ALPK1: variants seen among roughly 807,000 people sequenced by gnomAD.
ALPK1 encodes the protein alpha-protein kinase 1.
A neutral mutation model predicts 120.6 loss-of-function variants in ALPK1; 110 were observed. That is an observed-to-expected ratio of 0.91 (90% confidence interval 0.78 to 1.07). The LOEUF (loss-of-function observed/expected upper bound fraction) is 1.07. Among genes scored for constraint, ALPK1 ranks in the 50% least tolerant of loss-of-function variants. The pLI is 0.00. For missense variants in ALPK1, 1,498 were observed against 1,483.9 expected, an observed-to-expected ratio of 1.01 and a Z score of -0.16; for synonymous variants, 582 against 560.3, an observed-to-expected ratio of 1.04 and a Z score of -0.55.
chr4:112,351,530 G>A (rs868032016), intron 2 of ALPK1, among the ~76,000 whole-genome samples: 2 of 151,116 alleles, frequency 1.3e-5, no homozygotes, highest in African/African-American at 2.4e-5. Flanking sequence ...CTGGAGTGCA[G>A]TGGCACGATC....
At chr4:112,357,401 G>T in intron 2 of ALPK1, 1 of 692,048 alleles carries the variant, frequency 1.4e-6, no homozygotes. Flanking sequence ...CATCCATCCT[G>T]ATGCCAGTCA....
intron 1 of ALPK1, among the ~76,000 whole-genome samples, chr4:112,298,304 G>A (rs1031635864): frequency 1.3e-5 from 2 of 151,012 alleles, no homozygotes; most frequent in Admixed American, 1.3e-4. Context: ...TTTTTACTTT[G>A]TGCCACTAAT....
chr4:112,372,862 G>A (rs540026745), intron 2 of ALPK1, among the ~76,000 whole-genome samples: 1 of 152,238 alleles, frequency 6.6e-6, no homozygotes, highest in Non-Finnish European at 1.5e-5. Context: ...TACCTTAAGG[G>A]AATGATACAG....
At chr4:112,318,119 T>A (rs572894837) in intron 2 of ALPK1, among the ~76,000 whole-genome samples, 6 of 152,220 alleles carry the variant, frequency 3.9e-5, no homozygotes, top group African/African-American at 1.4e-4. Flanking sequence ...AAGACCTTTT[T>A]AAAGTATATA....
At chr4:112,317,741 T>C (rs1728698287) in intron 2 of ALPK1, among the ~76,000 whole-genome samples, 1 of 152,184 alleles carries the variant, frequency 6.6e-6, no homozygotes, top group Non-Finnish European at 1.5e-5. Context: ...TTTTTCTACT[T>C]TTGGAAGAAA....
intron 1 of ALPK1, among the ~76,000 whole-genome samples, chr4:112,313,738 T>C (rs542963448): frequency 2.0e-5 from 3 of 152,044 alleles, no homozygotes; most frequent in African/African-American, 7.2e-5. Context: ...AAAGTAATAA[T>C]AAGAAGAATT....
In ALPK1 at chr4:112,430,508, A is replaced by T; in HGVS notation, c.961A>T (p.Lys321Ter). ...TTCAAATGACTGTCCTCCAGAATTG[A>T]AAAACTTACATCTGTGTGAAGCCAA... ...SSSNDCPPEL[K>*]NLHLCEAKEA... The change falls in exon 11 of 16, where the codon AAA (lysine) becomes TAA (stop). Residue 321 changes from lysine to a stop codon, truncating the protein, a stop_gained. Transcript: ENST00000650871. LOFTEE classifies it high-confidence loss of function. The T allele has an allele frequency of 6.2e-7, 1 of 1,613,840 alleles. No individual in the cohort carries two copies. The highest frequency in any genetic ancestry group is 8.5e-7 in the Non-Finnish European group (1 of 1,179,862).
At chr4:112,358,865 T>G in intron 2 of ALPK1, 2 of 780,754 alleles carry the variant, frequency 2.6e-6, no homozygotes, top group South Asian at 2.7e-5. Context: ...AGGGTTCCGA[T>G]GACTTTGCTG....
intron 2 of ALPK1, among the ~76,000 whole-genome samples, chr4:112,340,159 C>A (rs189403036): frequency 6.6e-6 from 1 of 152,326 alleles, no homozygotes; most frequent in Non-Finnish European, 1.5e-5. Flanking sequence ...GGCAAGACTG[C>A]TGCTGTGGCC....
chr4:112,328,301 C>T (rs942790289), intron 2 of ALPK1, among the ~76,000 whole-genome samples: 2 of 152,200 alleles, frequency 1.3e-5, no homozygotes, highest in African/African-American at 4.8e-5. Context: ...TGGCTCTGTT[C>T]GCACTGGCTG....
At chr4:112,380,787 T>A (rs947660372) in intron 3 of ALPK1, among the ~76,000 whole-genome samples, 7 of 152,218 alleles carry the variant, frequency 4.6e-5, no homozygotes, top group Non-Finnish European at 5.9e-5. Context: ...ATGATGTGAC[T>A]TATAAAAATG....
chr4:112,359,105 G>A, intron 2 of ALPK1: 2 of 726,510 alleles, frequency 2.8e-6, no homozygotes, highest in Admixed American at 3.5e-5. Context: ...ATCCCAAGCT[G>A]ACCCTGTCCA....
At position 112,431,824 on chromosome 4, in the gene ALPK1, C is replaced by T. The variant is rs781303929; in HGVS notation, c.2277C>T (p.Asp759=). The T allele has an allele frequency of 1.9e-6, 3 of 1,614,116 alleles. No individual in the cohort carries two copies. The highest frequency in any genetic ancestry group is 2.2e-5 in the South Asian group (2 of 91,086). ...EFPETNCDVK[D]RQGKEQGEEI... Reference sequence around the variant, plus strand: ...CAGAAACCAACTGCGATGTCAAAGACAGGCAGGGGAAAGAGCAGGGAGAAG... The same window carrying T: ...CAGAAACCAACTGCGATGTCAAAGATAGGCAGGGGAAAGAGCAGGGAGAAG... Residue 759 remains aspartate (D), a synonymous_variant, in exon 11 of 16, where the codon GAC becomes GAT. Coordinates refer to ENST00000650871, the MANE Select transcript of ALPK1 (RefSeq NM_025144.4).
chr4:112,404,485 GC>G (rs2148744105), intron 4 of ALPK1, among the ~76,000 whole-genome samples: 1 of 152,302 alleles, frequency 6.6e-6, no homozygotes, highest in East Asian at 1.9e-4. Context: ...TAAGTAACTT[GC>G]CGTGGCAAAT....
intron 4 of ALPK1, among the ~76,000 whole-genome samples, chr4:112,396,088 T>A (rs1320067293): frequency 2.0e-5 from 3 of 152,150 alleles, no homozygotes; most frequent in African/African-American, 7.2e-5. Context: ...GAAAAAAAAT[T>A]CCCATTTGTG....
chr4:112,359,553 C>T, intron 2 of ALPK1: 1 of 245,174 alleles, frequency 4.1e-6, no homozygotes, highest in South Asian at 6.0e-5. Context: ...CCTTGCCACG[C>T]CTCCTATGCT....
chr4:112,423,885 T>G lies in ALPK1; in HGVS notation c.476-59T>G, dbSNP rs538240091. On this transcript the variant is annotated intron_variant, in intron 5 of 15. Coordinates refer to ENST00000650871, the MANE Select transcript of ALPK1 (RefSeq NM_025144.4). ...TATCAGTCTTAGAACATGAACAACT[T>G]GTAATTGTTAAGTGCATGTTCAAAG... 4 of 1,540,238 alleles carry G rather than the reference T, an allele frequency of 2.6e-6. No individual in the cohort carries two copies. The African/African-American group carries it at 5.4e-5, about 21-fold the overall frequency.
intron 2 of ALPK1, chr4:112,359,477 G>T: frequency 3.6e-6 from 1 of 276,158 alleles, no homozygotes; most frequent in South Asian, 4.7e-5. Flanking sequence ...ACTTCTTGCC[G>T]ACATGCACAG....
rs149605679 is a variant in ALPK1 at position 112,383,988 on chromosome 4, G to C, written c.276+1436G>C. ...TGTGTAATTTAGTGAATACTGTGCT[G>C]CAAGCGAAAAACAGAATGGTTGTAG... On this transcript the variant is annotated intron_variant, in intron 4 of 15. Coordinates refer to ENST00000650871, the MANE Select transcript of ALPK1 (RefSeq NM_025144.4). 64 of 152,254 alleles carry C rather than the reference G, an allele frequency of 4.2e-4. 1 individual carries two copies. The highest frequency in any genetic ancestry group is 1.5e-3 in the African/African-American group (61 of 41,554). The allele number at this position is 152,254 out of a possible 1,614,324, so 9.4% of individuals were successfully genotyped here. A position where few individuals can be genotyped will look rare whatever the true frequency, so the allele number is the denominator to read the frequency against.
Sources: gnomAD v4.1 joint callset for allele counts (sites outside exome capture counted in the v4.1 genomes callset) on GRCh38, gnomAD v4.1.1 for gene constraint, MANE v1.5 for transcripts, NCBI Gene and HGNC (gene_info 2026-07-23, HGNC 2026-07-21) for gene names.